The following CDCA7L variants were observed in gnomAD, a reference collection of about 807,000 sequenced individuals.
CDCA7L encodes the protein cell division cycle associated 7 like, also known as cell division cycle-associated 7-like protein.
A neutral mutation model predicts 57.4 loss-of-function variants in CDCA7L; 44 were observed. The ratio of observed to expected loss-of-function variants is 0.77; its 90% CI spans 0.60 to 0.98. CDCA7L has a LOEUF of 0.98. CDCA7L is among the 50% of genes least tolerant of loss of function. CDCA7L has a pLI of 0.00. For missense variants in CDCA7L, 644 were observed against 580.6 expected (o/e 1.11, Z -1.12); for synonymous variants, 236 against 202.8 (o/e 1.16, Z -1.39).
At chr7:21,934,404 A>T (rs1554297812) in intron 1 of CDCA7L, among the ~76,000 whole-genome samples, 1 of 152,184 alleles carries the variant, frequency 6.6e-6, no homozygotes, top group Non-Finnish European at 1.5e-5. Context: ...TAACACAAAA[A>T]CTATCTAAGA....
rs1191383313 is a variant in CDCA7L, at chr7:21,901,473, G to GTAGGAGAATCACTTGAACC, written c.*830_*848dup. ...GACTGTAATCCCAGTTACTCAGGAG[G>GTAGGAGAATCACTTGAACC]TAGGAGAATCACTTGAACCTAGGAG... On this transcript the variant is annotated 3_prime_UTR_variant, in exon 10 of 10. Coordinates refer to ENST00000406877, the MANE Select transcript of CDCA7L (RefSeq NM_018719.5). The GTAGGAGAATCACTTGAACC allele has an allele frequency of 5.9e-6, 3 of 509,670 alleles. No homozygotes were observed. The highest frequency in any genetic ancestry group is 8.7e-6 in the Non-Finnish European group (3 of 343,424). 31.6% of individuals were successfully genotyped at this position (509,670 alleles called of 1,614,324 possible).
chr7:21,910,086 A>G (rs949230309), intron 3 of CDCA7L, among the ~76,000 whole-genome samples: 3 of 152,204 alleles, frequency 2.0e-5, no homozygotes, highest in African/African-American at 4.8e-5. Context: ...TACATCACAC[A>G]GTCCATAGAC....
intron 1 of CDCA7L, among the ~76,000 whole-genome samples, chr7:21,918,403 C>G (rs138610160): frequency 3.3e-5 from 5 of 152,338 alleles, no homozygotes; most frequent in Admixed American, 2.6e-4. Flanking sequence ...AATGTGCAGT[C>G]TGTATTCACA....
chr7:21,930,900 AAAAG>A lies in CDCA7L; in HGVS notation c.25-14010_25-14007del, dbSNP rs578099416. Among the ~76,000 whole-genome samples the A allele has an allele frequency of 5.5e-3, 834 of 152,148 alleles. 7 individuals are homozygous for A. The highest frequency in any genetic ancestry group is 0.019 in the African/African-American group (787 of 41,512). Reference sequence around the variant, plus strand: ...ATAGACCGCTAGCCAGACAAAGAAGAAAAGAGAGAAGAATCAAATAGACACAATA... The same window carrying A: ...ATAGACCGCTAGCCAGACAAAGAAGAAGAGAAGAATCAAATAGACACAATA... On this transcript the variant is annotated intron_variant, in intron 1 of 9. Coordinates refer to ENST00000406877, the MANE Select transcript of CDCA7L (RefSeq NM_018719.5).
At chr7:21,902,829 C>A in intron 9 of CDCA7L, 149 bp downstream of exon 9, 1 of 686,558 alleles carries the variant, frequency 1.5e-6, no homozygotes, top group Non-Finnish European at 2.4e-6. Flanking sequence ...TGAGCTTTTC[C>A]AATGCAAACA....
chr7:21,908,161 CT>C lies in CDCA7L; in HGVS notation c.649del (p.Arg217GlyfsTer3). On this transcript the variant is annotated frameshift_variant, in exon 4 of 10. Coordinates refer to ENST00000406877, the MANE Select transcript of CDCA7L (RefSeq NM_018719.5). LOFTEE classifies it high-confidence loss of function. ...TTTGTTCTCCTTGATGTTCATGGTC[CT>C]TTTCAGCAAAGCATCTGAACTCTCC... ...SQESSDALLK[R>X]TMNIKENKAM... The C allele has an allele frequency of 6.3e-7, 1 of 1,577,508 alleles. No homozygotes were observed. The highest frequency in any genetic ancestry group is 1.2e-5 in the South Asian group (1 of 84,804).
chr7:21,901,056 G>A lies in CDCA7L; in HGVS notation c.*1266C>T, dbSNP rs1437617153. The A allele has an allele frequency of 3.7e-6, 6 of 1,613,380 alleles. No individual in the cohort carries two copies. Among genetic ancestry groups the A allele is most frequent in the South Asian group, 1.1e-5 (1 of 90,956 alleles). On this transcript the variant is annotated 3_prime_UTR_variant, in exon 10 of 10. Coordinates refer to ENST00000406877, the MANE Select transcript of CDCA7L (RefSeq NM_018719.5). ...GAACCATTGTTGAAGCCCGTCTCAAGGAGCTGGCATGCCCTATGCCGGTCA... is the reference window on the plus strand; with the variant it reads ...GAACCATTGTTGAAGCCCGTCTCAAAGAGCTGGCATGCCCTATGCCGGTCA...
chr7:21,943,530 C>G (rs1786412249), intron 1 of CDCA7L, among the ~76,000 whole-genome samples: 1 of 152,212 alleles, frequency 6.6e-6, no homozygotes, highest in Non-Finnish European at 1.5e-5. Flanking sequence ...TGGAACCACA[C>G]GAATTTAACA....
intron 1 of CDCA7L, among the ~76,000 whole-genome samples, chr7:21,928,748 T>G (rs531903386): frequency 1.3e-5 from 2 of 150,788 alleles, no homozygotes; most frequent in African/African-American, 2.4e-5. Flanking sequence ...AAGAGAAGAT[T>G]AGAGAAAAAA....
chr7:21,943,321 GCTT>G (rs909817606), intron 1 of CDCA7L, among the ~76,000 whole-genome samples: 2 of 152,206 alleles, frequency 1.3e-5, no homozygotes, highest in African/African-American at 4.8e-5. Flanking sequence ...CTCCTTGTTT[GCTT>G]CTTACTCATA....
chr7:21,902,878 G>C, intron 9 of CDCA7L, 100 bp downstream of exon 9: 1 of 1,101,072 alleles, frequency 9.1e-7, no homozygotes, highest in Non-Finnish European at 1.3e-6. Flanking sequence ...ATATAAGTAA[G>C]TAAGTCACAC....
At chr7:21,918,986 T>C (rs1012416388) in intron 1 of CDCA7L, among the ~76,000 whole-genome samples, 7 of 152,176 alleles carry the variant, frequency 4.6e-5, no homozygotes, top group Non-Finnish European at 8.8e-5. Flanking sequence ...TTCTTTTTTT[T>C]TATATTTTTT....
At chr7:21,916,966 G>A (rs1785502910) in intron 1 of CDCA7L, 72 bp from the exon 2 acceptor site, 4 of 1,562,828 alleles carry the variant, frequency 2.6e-6, no homozygotes, top group Admixed American at 1.7e-5. Flanking sequence ...TTTTCTGGAG[G>A]GGAGGAGAGA....
chr7:21,930,418 C>G (rs771509379), intron 1 of CDCA7L, among the ~76,000 whole-genome samples: 1 of 151,730 alleles, frequency 6.6e-6, no homozygotes, highest in Non-Finnish European at 1.5e-5. Context: ...AGAGAGTGGC[C>G]GGGTGCAGTG....
chr7:21,942,071 C>G (rs1166438691), intron 1 of CDCA7L, among the ~76,000 whole-genome samples: 1 of 152,022 alleles, frequency 6.6e-6, no homozygotes, highest in African/African-American at 2.4e-5. Flanking sequence ...TGTTCTTCCA[C>G]CCTACCAATG....
chr7:21,905,045 C>T (rs1051310776), intron 7 of CDCA7L, among the ~76,000 whole-genome samples: 1 of 151,988 alleles, frequency 6.6e-6, no homozygotes, highest in African/African-American at 2.4e-5. Flanking sequence ...TGACAGTGTC[C>T]CGTTACATAT....
intron 1 of CDCA7L, among the ~76,000 whole-genome samples, chr7:21,939,434 C>G (rs1461440628): frequency 1.3e-5 from 2 of 152,160 alleles, no homozygotes; most frequent in Admixed American, 6.5e-5. Context: ...TATGTATTTA[C>G]ACAGGTCTTA....
chr7:21,943,772 C>T (rs1163591707), intron 1 of CDCA7L, among the ~76,000 whole-genome samples: 1 of 151,660 alleles, frequency 6.6e-6, no homozygotes, highest in Admixed American at 6.6e-5. Flanking sequence ...AGTAATTTGC[C>T]TTAATTGGTG....
At chr7:21,911,030 TTTTTTTTTTTTTTTTTTG>T in intron 3 of CDCA7L, among the ~76,000 whole-genome samples, 1 of 84,514 alleles carries the variant, frequency 1.2e-5, no homozygotes, top group Non-Finnish European at 2.7e-5. Context: ...TTTTTTTTTT[TTTTTTTTTTTTTTTTTTG>T]AGATGGAGTC....
Sources: gnomAD v4.1 joint callset for allele counts (sites outside exome capture counted in the v4.1 genomes callset) on GRCh38, gnomAD v4.1.1 for gene constraint, MANE v1.5 for transcripts, NCBI Gene and HGNC (gene_info 2026-07-23, HGNC 2026-07-21) for gene names.